The following CACNB2 variants were observed in gnomAD, a reference collection of about 807,000 sequenced individuals.
CACNB2 encodes the protein voltage-dependent L-type calcium channel subunit beta-2.
CACNB2 carries 42 observed loss-of-function variants against 73.3 expected under a neutral mutation model. That is an observed-to-expected ratio of 0.57 (90% confidence interval 0.45 to 0.74). The LOEUF is 0.74. Among genes scored for constraint, CACNB2 ranks in the 30% least tolerant of loss-of-function variants. CACNB2 has a pLI of 0.00. For synonymous variants in CACNB2, 348 were observed against 310.3 expected (o/e 1.12, Z -1.28); for missense variants, 940 against 853.0 (o/e 1.10, Z -1.27).
intron 11 of CACNB2, among the ~76,000 whole-genome samples, chr10:18,535,414 A>G (rs879454891): frequency 4.4e-4 from 67 of 152,246 alleles, no homozygotes; most frequent in Non-Finnish European, 6.2e-4. Flanking sequence ...GGAGACTGCA[A>G]TTGTCTTCTA....
chr10:18,462,805 C>A (rs1173050751), intron 3 of CACNB2, among the ~76,000 whole-genome samples: 1 of 152,090 alleles, frequency 6.6e-6, no homozygotes, highest in Non-Finnish European at 1.5e-5. Context: ...GTTGCCCAGG[C>A]TGGAGTGCAG....
At chr10:18,397,134 C>T (rs2043751300) in intron 2 of CACNB2, among the ~76,000 whole-genome samples, 1 of 152,118 alleles carries the variant, frequency 6.6e-6, no homozygotes, top group Non-Finnish European at 1.5e-5. Context: ...CAGAGTACAG[C>T]ATCAAAACAG....
At chr10:18,441,439 C>T (rs7069923) in intron 3 of CACNB2, among the ~76,000 whole-genome samples, 54,497 of 151,984 alleles carry the variant, frequency 0.36, 10,059 homozygotes, top group East Asian at 0.51. Flanking sequence ...CTGAACTATA[C>T]GGCTTCCTTG....
chr10:18,330,257 T>G (rs1185685281), intron 2 of CACNB2, among the ~76,000 whole-genome samples: 1 of 152,214 alleles, frequency 6.6e-6, no homozygotes, highest in Non-Finnish European at 1.5e-5. Flanking sequence ...TAATTACACA[T>G]TAGTCACATA....
At chr10:18,265,581 A>T (rs1469813950) in intron 2 of CACNB2, among the ~76,000 whole-genome samples, 1 of 152,202 alleles carries the variant, frequency 6.6e-6, no homozygotes, top group African/African-American at 2.4e-5. Context: ...TTAAAGACAA[A>T]TGTTACTGAC....
rs112691846 is a variant in CACNB2, at chr10:18,317,595, G to C, written c.214-84329G>C. 1.1e-4 allele frequency among the ~76,000 whole-genome samples: 17 copies of C among 152,270 alleles called. 1 individual carries two copies. Among genetic ancestry groups the C allele is most frequent in the Admixed American group, 7.8e-4 (12 of 15,288 alleles). Reference sequence around the variant, plus strand: ...CTTTTTTATGGCTGCATAGTATCCTGTGGGTGTATATGTATCACATTTTCT... The same window carrying C: ...CTTTTTTATGGCTGCATAGTATCCTCTGGGTGTATATGTATCACATTTTCT... On this transcript the variant is annotated intron_variant, in intron 2 of 13. Transcript: ENST00000324631.
chr10:18,489,383 T>G (rs1589519025), intron 3 of CACNB2, among the ~76,000 whole-genome samples: 1 of 82,176 alleles, frequency 1.2e-5, no homozygotes, highest in Non-Finnish European at 2.1e-5. Flanking sequence ...AGAGTGAAAC[T>G]CCATCTCAAA....
intron 11 of CACNB2, 100 bp from the exon 12 acceptor site, chr10:18,536,001 G>A: frequency 1.4e-6 from 1 of 723,176 alleles, no homozygotes; most frequent in Non-Finnish European, 2.5e-6. Context: ...AGCCCCTTGT[G>A]CTGTATATAA....
chr10:18,200,967 C>T (rs1382019104), intron 2 of CACNB2, among the ~76,000 whole-genome samples: 1 of 152,196 alleles, frequency 6.6e-6, no homozygotes, highest in Non-Finnish European at 1.5e-5. Context: ...TCTATACCAA[C>T]TCTGTGCAGT....
intron 3 of CACNB2, among the ~76,000 whole-genome samples, chr10:18,441,263 G>A (rs1387920157): frequency 6.6e-6 from 1 of 152,142 alleles, no homozygotes; most frequent in Admixed American, 6.5e-5. Flanking sequence ...AAATTAGCTG[G>A]GTGTGGTGGC....
chr10:18,269,318 A>G (rs1369298744), intron 2 of CACNB2, among the ~76,000 whole-genome samples: 3 of 152,154 alleles, frequency 2.0e-5, no homozygotes, highest in South Asian at 2.1e-4. Context: ...ACATGGCCCC[A>G]TCCCACTGTC....
At chr10:18,384,541 C>T (rs1019127101) in intron 2 of CACNB2, among the ~76,000 whole-genome samples, 7 of 151,874 alleles carry the variant, frequency 4.6e-5, no homozygotes, top group South Asian at 2.1e-4. Flanking sequence ...CCCTGGGCAA[C>T]GTGGTGAAAC....
At chr10:18,307,120 A>G (rs1038303372) in intron 2 of CACNB2, among the ~76,000 whole-genome samples, 1 of 152,128 alleles carries the variant, frequency 6.6e-6, no homozygotes. Flanking sequence ...AAGCTAGGTG[A>G]AATCGTGTTT....
In CACNB2 at chr10:18,290,115, T is replaced by TC. The variant is rs2039000416; in HGVS notation, c.214-111809_214-111808insC. The stretch of plus-strand genomic sequence containing the variant: ...AGTTTTTTTCTTTTTTCTTTTTCTT[T>TC]TTTTTTTTTTTTTTTTTTTTTTTTG... On this transcript the variant is annotated intron_variant, in intron 2 of 13. Transcript: ENST00000324631. 5.5e-5 allele frequency among the ~76,000 whole-genome samples: 6 copies of TC among 109,070 alleles called. 1 individual carries two copies. In the South Asian group the frequency reaches 1.8e-3, roughly 33 times the overall value. 71.6% of individuals were successfully genotyped at this position (109,070 alleles called of 152,430 possible).
chr10:18,311,128 A>G lies in CACNB2; in HGVS notation c.214-90796A>G, dbSNP rs189079976. On this transcript the variant is annotated intron_variant, in intron 2 of 13. Coordinates refer to ENST00000324631, the MANE Select transcript of CACNB2 (RefSeq NM_201596.3). ...TTTTCTGCTTGTTTAAGTTTGCTTA[A>G]GTTCCTTGTATTTTTGTTTCCCTGA... is the stretch of plus-strand genomic sequence containing the variant. 2.6e-5 allele frequency among the ~76,000 whole-genome samples: 4 copies of G among 152,206 alleles called. No individual in the cohort carries two copies. In the East Asian group the frequency reaches 7.7e-4, roughly 29 times the overall value.
At chr10:18,153,334 A>T (rs1014786926) in intron 2 of CACNB2, among the ~76,000 whole-genome samples, 1 of 152,152 alleles carries the variant, frequency 6.6e-6, no homozygotes, top group Admixed American at 6.5e-5. Context: ...GCTGGCTTGC[A>T]TCTGTCACAA....
At chr10:18,423,490 A>G (rs1202005583) in intron 3 of CACNB2, among the ~76,000 whole-genome samples, 1 of 152,202 alleles carries the variant, frequency 6.6e-6, no homozygotes, top group African/African-American at 2.4e-5. Flanking sequence ...GCCATAAGCA[A>G]CGGTCCCTTC....
At chr10:18,248,615 T>G (rs147487991) in intron 2 of CACNB2, among the ~76,000 whole-genome samples, 53 of 152,364 alleles carry the variant, frequency 3.5e-4, no homozygotes, top group African/African-American at 1.2e-3. Context: ...AGTGAGCTTC[T>G]TTTAAACATA....
intron 12 of CACNB2, 47 bp downstream of exon 12, chr10:18,536,243 CTTTTTTTTT>C (rs904187820): frequency 4.2e-5 from 12 of 283,192 alleles, no homozygotes; most frequent in South Asian, 7.4e-5. Flanking sequence ...GAGATCAGAC[CTTTTTTTTT>C]TTTTTTTTTT....
Sources: allele counts gnomAD v4.1 joint callset (sites outside exome capture counted in the v4.1 genomes callset), GRCh38; gene constraint gnomAD v4.1.1; transcripts MANE v1.5; gene names NCBI Gene and HGNC (gene_info 2026-07-23, HGNC 2026-07-21).